The following ARRDC5 variants were observed in gnomAD, a reference collection of about 807,000 sequenced individuals.
ARRDC5 encodes the protein arrestin domain containing 5.
In ARRDC5, 12 loss-of-function variants were observed where a neutral mutation model predicts 13.3. The ratio of observed to expected loss-of-function variants is 0.90; its 90% CI spans 0.58 to 1.46. The LOEUF (loss-of-function observed/expected upper bound fraction) is 1.46, where lower values mean the gene tolerates loss of function less well. Ranked by LOEUF, ARRDC5 falls within the 40% of genes most tolerant of loss-of-function variation. The pLI is 0.00. For missense variants in ARRDC5, 406 were observed against 418.7 expected (o/e 0.97, Z 0.26); for synonymous variants, 181 against 173.4 (o/e 1.04, Z -0.34).
chr19:4,891,227 G>GTGC lies in ARRDC5; in HGVS notation c.803_805dup (p.Ser268dup), dbSNP rs778012837. ...AGTGTGCATGATCTCACCGTCCTGC[G>GTGC]TGCTGCTGCTCACGGACAGCAGCAA... On this transcript the variant is annotated inframe_insertion, in exon 3 of 3. Transcript: ENST00000650722. The GTGC allele has an allele frequency of 6.8e-6, 11 of 1,613,890 alleles. No homozygotes were observed. In the South Asian group the frequency reaches 1.2e-4, roughly 18 times the overall value.
At chr19:4,892,726 G>T (rs1249673709) in intron 2 of ARRDC5, among the ~76,000 whole-genome samples, 1 of 152,030 alleles carries the variant, frequency 6.6e-6, no homozygotes, top group South Asian at 2.1e-4. Context: ...TATTCTACTT[G>T]TTGCCTGTTC....
At chr19:4,894,782 T>G (rs1182345378) in intron 2 of ARRDC5, among the ~76,000 whole-genome samples, 1 of 151,728 alleles carries the variant, frequency 6.6e-6, no homozygotes, top group Non-Finnish European at 1.5e-5. Flanking sequence ...AAAATCATAC[T>G]GCAGGAAGTC....
In ARRDC5 at chr19:4,891,442, G is replaced by A. The variant is rs749279244; in HGVS notation, c.591C>T (p.Ile197=). The change falls in exon 3 of 3, where the codon ATC becomes ATT. Residue 197 remains isoleucine, a synonymous_variant. Coordinates refer to ENST00000650722, the MANE Select transcript of ARRDC5 (RefSeq NM_001080523.3). The part of the protein sequence containing the change: ...PGEKVVFTTE[I]NNQTSKCIKT... ...TGATGCATTTGCTGGTCTGGTTGTT[G>A]ATCTCTGTTGTGAAGACGACCTTCT... The A allele has an allele frequency of 1.7e-5, 27 of 1,613,462 alleles. No individual in the cohort carries two copies. In the East Asian group the frequency reaches 5.6e-4, roughly 33 times the overall value.
upstream of ARRDC5, chr19:4,903,015 A>T: frequency 2.2e-6 from 1 of 459,288 alleles, no homozygotes; most frequent in Non-Finnish European, 3.6e-6. Flanking sequence ...GGAAACCTGT[A>T]GTCCTCACTG....
At chr19:4,908,725 C>T in the ARRDC5 span, among the ~76,000 whole-genome samples, 1 of 152,152 alleles carries the variant, frequency 6.6e-6, no homozygotes, top group Non-Finnish European at 1.5e-5. Flanking sequence ...CTGAAATTAT[C>T]TGCTTTAGTT....
At chr19:4,909,740 G>A in the ARRDC5 span, 11 of 489,192 alleles carry the variant, frequency 2.2e-5, no homozygotes, top group Non-Finnish European at 3.6e-5. Flanking sequence ...CGCGCGGCCA[G>A]CCCGGGCGCA....
At chr19:4,896,371 C>T (rs1257400384) in intron 2 of ARRDC5, among the ~76,000 whole-genome samples, 7 of 107,868 alleles carry the variant, frequency 6.5e-5, no homozygotes, top group African/African-American at 2.5e-4. Flanking sequence ...TACACACACA[C>T]ACACACACAC....
At chr19:4,901,632 T>C (rs2031918390) in intron 1 of ARRDC5, among the ~76,000 whole-genome samples, 1 of 151,874 alleles carries the variant, frequency 6.6e-6, no homozygotes, top group Admixed American at 6.6e-5. Context: ...GATAAATAAA[T>C]AAATAAGATA....
At chr19:4,906,070 G>A (rs1047281131), upstream of ARRDC5, among the ~76,000 whole-genome samples, 7 of 152,282 alleles carry the variant, frequency 4.6e-5, no homozygotes, top group Admixed American at 2.6e-4. Flanking sequence ...TTGATCTTCT[G>A]GGCTCAAGAG....
intron 1 of ARRDC5, among the ~76,000 whole-genome samples, chr19:4,898,089 A>AAAAT (rs961078168): frequency 1.3e-5 from 2 of 152,070 alleles, no homozygotes; most frequent in African/African-American, 2.4e-5. Flanking sequence ...GCCATCTCTA[A>AAAAT]AAATAAATAA....
chr19:4,906,764 GA>G (rs1023435181), upstream of ARRDC5, among the ~76,000 whole-genome samples: 15 of 151,914 alleles, frequency 9.9e-5, no homozygotes, highest in African/African-American at 3.6e-4. Flanking sequence ...AAAAGAAAAA[GA>G]AAAAAAGAAA....
intron 1 of ARRDC5, among the ~76,000 whole-genome samples, chr19:4,899,613 C>T (rs2031846032): frequency 6.7e-6 from 1 of 149,454 alleles, no homozygotes; most frequent in South Asian, 2.1e-4. Flanking sequence ...GCCTGGGTGC[C>T]AGAGTAAAGA....
the ARRDC5 span, chr19:4,909,520 C>T: frequency 7.6e-6 from 5 of 657,042 alleles, no homozygotes; most frequent in African/African-American, 5.7e-5. Context: ...GGCAGCGCGG[C>T]GGGCAGCGTT....
chr19:4,901,874 G>A (rs2031927997), intron 1 of ARRDC5, among the ~76,000 whole-genome samples: 1 of 151,958 alleles, frequency 6.6e-6, no homozygotes, highest in Non-Finnish European at 1.5e-5. Context: ...GGTCTCCCTT[G>A]CTCTTCTACC....
chr19:4,907,544 A>G (rs1268089324), upstream of ARRDC5, among the ~76,000 whole-genome samples: 1 of 151,898 alleles, frequency 6.6e-6, no homozygotes, highest in Non-Finnish European at 1.5e-5. Flanking sequence ...TACTGGGATT[A>G]CACGTGTGAG....
chr19:4,902,422 A>G (rs1222703519), intron 1 of ARRDC5, 151 bp downstream of exon 1: 1 of 718,972 alleles, frequency 1.4e-6, no homozygotes, highest in Admixed American at 2.8e-5. Flanking sequence ...TCTGATGGTC[A>G]TTGTTCTTCA....
chr19:4,902,671 C>T lies in ARRDC5; in HGVS notation c.155G>A (p.Trp52Ter), dbSNP rs752068272. 2 of 1,614,036 alleles carry T rather than the reference C, an allele frequency of 1.2e-6. No individual in the cohort carries two copies. The highest frequency in any genetic ancestry group is 2.2e-5 in the East Asian group (1 of 44,882). ...ACAGGATGCCCCGGCTTCTTCACTCCATTCGACGTAACCCCTTCCCACGAG... is the reference window on the plus strand; with the variant it reads ...ACAGGATGCCCCGGCTTCTTCACTCTATTCGACGTAACCCCTTCCCACGAG... ...VELVGRGYVEWSEEAGASCDY... is the reference protein window; with the variant it reads ...VELVGRGYVE The change falls in exon 1 of 3, where the codon TGG becomes TAG. Residue 52 changes from tryptophan (W) to a stop codon, truncating the protein, a stop_gained. Coordinates refer to ENST00000650722, the MANE Select transcript of ARRDC5 (RefSeq NM_001080523.3). LOFTEE classifies it high-confidence loss of function.
intron 2 of ARRDC5, among the ~76,000 whole-genome samples, chr19:4,892,270 T>C (rs1453371049): frequency 6.6e-6 from 1 of 151,938 alleles, no homozygotes; most frequent in Non-Finnish European, 1.5e-5. Flanking sequence ...TGTGTATTTT[T>C]AGTAGAGACA....
chr19:4,909,594 C>T, the ARRDC5 span: 8 of 647,906 alleles, frequency 1.2e-5, no homozygotes, highest in East Asian at 3.3e-5. Flanking sequence ...CACGCGGTTT[C>T]ATCGCCATCC....
Sources: allele counts gnomAD v4.1 joint callset (sites outside exome capture counted in the v4.1 genomes callset), GRCh38; gene constraint gnomAD v4.1.1; transcripts MANE v1.5; gene names NCBI Gene and HGNC (gene_info 2026-07-23, HGNC 2026-07-21).